TRPM3: variants seen among roughly 807,000 people sequenced by gnomAD.
TRPM3 encodes long transient receptor potential channel 3.
Under a neutral mutation model 181.2 loss-of-function variants are expected in TRPM3, and 77 were observed. That is an observed-to-expected ratio of 0.42 (90% CI 0.35 to 0.51). The LOEUF (loss-of-function observed/expected upper bound fraction) is 0.51. TRPM3 is among the 20% of genes least tolerant of loss of function. TRPM3 has a pLI of 0.01. For synonymous variants in TRPM3, 745 were observed against 796.4 expected (o/e 0.94, Z 1.09); for missense variants, 1,759 against 2,196.7 (o/e 0.80, Z 3.98).
intron 1 of TRPM3, among the ~76,000 whole-genome samples, chr9:71,367,435 C>G (rs559855013): frequency 1.3e-5 from 2 of 152,236 alleles, no homozygotes; most frequent in South Asian, 4.1e-4. Flanking sequence ...TTCACCAAGT[C>G]TAAATTCACC....
At chr9:71,037,968 C>A (rs1034397754) in intron 1 of TRPM3, among the ~76,000 whole-genome samples, 1 of 152,180 alleles carries the variant, frequency 6.6e-6, no homozygotes, top group African/African-American at 2.4e-5. Context: ...TTTTTATATA[C>A]TTTTATTTTC....
At chr9:71,439,659 G>A (rs2094105693) in intron 1 of TRPM3, among the ~76,000 whole-genome samples, 1 of 152,062 alleles carries the variant, frequency 6.6e-6, no homozygotes, top group Non-Finnish European at 1.5e-5. Flanking sequence ...ATGGCATGGG[G>A]ATATTTTAGC....
At chr9:70,609,323 G>A (rs938770499) in intron 19 of TRPM3, among the ~76,000 whole-genome samples, 4 of 152,086 alleles carry the variant, frequency 2.6e-5, no homozygotes, top group Admixed American at 6.5e-5. Flanking sequence ...GAATAGAAAC[G>A]ATTTTTGCAT....
intron 20 of TRPM3, among the ~76,000 whole-genome samples, chr9:70,601,102 A>G (rs1378322839): frequency 6.6e-6 from 1 of 152,124 alleles, no homozygotes; most frequent in Non-Finnish European, 1.5e-5. Flanking sequence ...TTGCATACTC[A>G]GTTGTCCTTT....
chr9:70,622,392 C>T (rs971732165), intron 14 of TRPM3, among the ~76,000 whole-genome samples: 1 of 152,216 alleles, frequency 6.6e-6, no homozygotes, highest in Non-Finnish European at 1.5e-5. Context: ...TCTGAAGAGC[C>T]TCTATTATCT....
intron 5 of TRPM3, among the ~76,000 whole-genome samples, chr9:70,837,551 T>A (rs1281098563): frequency 6.6e-6 from 1 of 152,230 alleles, no homozygotes. Flanking sequence ...ATGTGTCTTG[T>A]TAATCTAGAT....
chr9:71,308,883 A>T (rs1220535962), intron 1 of TRPM3, among the ~76,000 whole-genome samples: 1 of 152,088 alleles, frequency 6.6e-6, no homozygotes, highest in East Asian at 1.9e-4. Flanking sequence ...CCTTAATGTC[A>T]CTCTCCAAGC....
intron 1 of TRPM3, among the ~76,000 whole-genome samples, chr9:71,062,400 G>A (rs1226636990): frequency 6.6e-6 from 1 of 151,972 alleles, no homozygotes; most frequent in Non-Finnish European, 1.5e-5. Flanking sequence ...CCTTCAATTT[G>A]TTATTCAAGA....
chr9:70,669,747 CTT>C (rs71367212), intron 9 of TRPM3, among the ~76,000 whole-genome samples: 49,362 of 137,940 alleles, frequency 0.36, 8,333 homozygotes, highest in East Asian at 0.45. Flanking sequence ...TCTTTCTTTT[CTT>C]TTTTTTTTTT....
intron 1 of TRPM3, among the ~76,000 whole-genome samples, chr9:70,985,666 C>G (rs545896767): frequency 3.9e-5 from 6 of 152,178 alleles, no homozygotes; most frequent in African/African-American, 1.4e-4. Context: ...ATTTCTGAGA[C>G]CTGACTTTGT....
At chr9:71,012,296 T>C (rs965400901) in intron 1 of TRPM3, among the ~76,000 whole-genome samples, 2 of 152,218 alleles carry the variant, frequency 1.3e-5, no homozygotes, top group African/African-American at 4.8e-5. Flanking sequence ...TTTTCAGATA[T>C]TACATTTCCA....
intron 1 of TRPM3, among the ~76,000 whole-genome samples, chr9:71,170,543 AG>A (rs1170139762): frequency 6.6e-6 from 1 of 152,226 alleles, no homozygotes; most frequent in African/African-American, 2.4e-5. Context: ...CCATGGCAGA[AG>A]AAGATTGTGA....
intron 1 of TRPM3, among the ~76,000 whole-genome samples, chr9:71,436,182 T>C (rs1456545320): frequency 2.6e-5 from 4 of 152,086 alleles, no homozygotes. Context: ...GCTGTCACCA[T>C]GTAAGAAGTG....
At chr9:71,274,722 C>T (rs888156009) in intron 1 of TRPM3, among the ~76,000 whole-genome samples, 3 of 152,312 alleles carry the variant, frequency 2.0e-5, no homozygotes, top group Non-Finnish European at 4.4e-5. Flanking sequence ...CATGAGCTTT[C>T]GTCTACAAAC....
At chr9:71,140,695 C>T (rs1164724008) in intron 1 of TRPM3, among the ~76,000 whole-genome samples, 1 of 152,096 alleles carries the variant, frequency 6.6e-6, no homozygotes, top group Non-Finnish European at 1.5e-5. Context: ...TGAGCTTTTG[C>T]TATATGTCAG....
intron 12 of TRPM3, among the ~76,000 whole-genome samples, chr9:70,634,515 C>CTAGCTCATGACTA (rs1487612944): frequency 2.6e-5 from 4 of 152,182 alleles, no homozygotes; most frequent in Non-Finnish European, 5.9e-5. Context: ...CTAGTCATCA[C>CTAGCTCATGACTA]TAGCTCATGA....
chr9:71,242,802 T>C (rs1360948701), intron 1 of TRPM3, among the ~76,000 whole-genome samples: 5 of 152,270 alleles, frequency 3.3e-5, no homozygotes, highest in East Asian at 3.9e-4. Flanking sequence ...TTTAGCCAAA[T>C]TGAGCTTTTA....
intron 1 of TRPM3, among the ~76,000 whole-genome samples, chr9:71,313,040 C>T (rs1182003661): frequency 1.3e-5 from 2 of 152,058 alleles, no homozygotes; most frequent in Non-Finnish European, 2.9e-5. Flanking sequence ...CTAATATAAA[C>T]TATGTGATAA....
At chr9:70,577,093 T>G (rs1275879715) in intron 22 of TRPM3, among the ~76,000 whole-genome samples, 1 of 152,226 alleles carries the variant, frequency 6.6e-6, no homozygotes, top group African/African-American at 2.4e-5. Flanking sequence ...TCCCTGGCAG[T>G]TATGACCACC....
Sources: allele counts gnomAD v4.1 joint callset (sites outside exome capture counted in the v4.1 genomes callset), GRCh38; gene constraint gnomAD v4.1.1; transcripts MANE v1.5; gene names NCBI Gene and HGNC (gene_info 2026-07-23, HGNC 2026-07-21).